The following OXSR1 variants were observed in gnomAD, a reference collection of about 807,000 sequenced individuals.
OXSR1 encodes the protein serine/threonine-protein kinase OSR1.
Under a neutral mutation model 79.8 loss-of-function variants are expected in OXSR1, and 24 were observed. The observed-to-expected ratio is 0.30, with a 90% CI of 0.22 to 0.42. OXSR1 has a LOEUF of 0.42. Ranked by LOEUF, OXSR1 falls within the 10% of genes least tolerant of loss-of-function variation. The pLI is 1.00. For missense variants in OXSR1, 430 were observed against 618.4 expected (o/e 0.70, Z 3.23); for synonymous variants, 226 against 209.2 (o/e 1.08, Z -0.69).
At chr3:38,187,740 TATTTATTTTATTA>T (rs977376643) in intron 2 of OXSR1, among the ~76,000 whole-genome samples, 11 of 152,102 alleles carry the variant, frequency 7.2e-5, no homozygotes, top group African/African-American at 2.7e-4. Flanking sequence ...TCACTTTATT[TATTTATTTTATTA>T]ATTTATTTTT....
intron 4 of OXSR1, among the ~76,000 whole-genome samples, chr3:38,211,169 G>A (rs1023725470): frequency 2.6e-5 from 4 of 152,138 alleles, no homozygotes; most frequent in Non-Finnish European, 5.9e-5. Context: ...ATTTGGGCTC[G>A]TTGGGCATTA....
intron 1 of OXSR1, among the ~76,000 whole-genome samples, chr3:38,182,145 T>C (rs963680636): frequency 6.6e-6 from 1 of 152,238 alleles, no homozygotes; most frequent in African/African-American, 2.4e-5. Flanking sequence ...TCAGATCTCT[T>C]GGAATGCTAT....
chr3:38,215,975 A>T lies in OXSR1; in HGVS notation c.435-121A>T, dbSNP rs553867659. The T allele has an allele frequency of 1.3e-5, 9 of 673,378 alleles. No homozygotes were observed. In the East Asian group the frequency reaches 2.2e-4, roughly 17 times the overall value. The allele number at this position is 673,378 out of a possible 1,614,324, so 41.7% of individuals were successfully genotyped here. A position where few individuals can be genotyped will look rare whatever the true frequency, so the allele number is the denominator to read the frequency against. ...TTACTATTAGTCTTAATATCCTTTA[A>T]TATAAAATAGGACATTTAAATATTG... On this transcript the variant is annotated intron_variant, in intron 4 of 17. Transcript: ENST00000311806.
chr3:38,211,442 T>C (rs1280802594), intron 4 of OXSR1, among the ~76,000 whole-genome samples: 1 of 152,250 alleles, frequency 6.6e-6, no homozygotes, highest in Non-Finnish European at 1.5e-5. Flanking sequence ...TTTACTCCTA[T>C]AAAGTGACCT....
chr3:38,242,568 A>G lies in OXSR1; in HGVS notation c.1075-175A>G, dbSNP rs35115698. On this transcript the variant is annotated intron_variant, in intron 11 of 17. Transcript: ENST00000311806. ...ACAGGCTACCTGGACAAAAAATACA[A>G]TACTATCATGACAGTTATTTTTTCC... 5.0e-3 allele frequency among the ~76,000 whole-genome samples: 755 copies of G among 152,332 alleles called. 7 individuals are homozygous for G. Among genetic ancestry groups the G allele is most frequent in the African/African-American group, 0.017 (706 of 41,570 alleles).
At chr3:38,187,149 T>C (rs1158068593) in intron 2 of OXSR1, among the ~76,000 whole-genome samples, 5 of 152,328 alleles carry the variant, frequency 3.3e-5, no homozygotes, top group African/African-American at 7.2e-5. Flanking sequence ...CTAAGAGAGA[T>C]ACATTCTATC....
chr3:38,164,212 T>G (rs2125792553), upstream of OXSR1, among the ~76,000 whole-genome samples: 1 of 152,284 alleles, frequency 6.6e-6, no homozygotes, highest in South Asian at 2.1e-4. Flanking sequence ...TTGCCCAGAC[T>G]GGAGTGCAGT....
intron 1 of OXSR1, among the ~76,000 whole-genome samples, chr3:38,176,637 A>G (rs1701681147): frequency 6.6e-6 from 1 of 152,244 alleles, no homozygotes; most frequent in African/African-American, 2.4e-5. Flanking sequence ...ATCCCTTTTT[A>G]TCAATGGGTG....
At position 38,198,916 on chromosome 3, in the gene OXSR1, A is replaced by C. The variant is rs890149707; in HGVS notation, c.434+53A>C. ...ACATCATCTCATTAAGGCCATTCCC[A>C]CTCTTTTACAGAATCGTGATCTCTG... On this transcript the variant is annotated intron_variant, in intron 4 of 17. Transcript: ENST00000311806. The C allele has an allele frequency of 2.3e-5, 34 of 1,476,532 alleles. No homozygotes were observed. In the Admixed American group the frequency reaches 4.5e-4, roughly 19 times the overall value. The allele number at this position is 1,476,532 out of a possible 1,614,324, so 91.5% of individuals were successfully genotyped here.
At chr3:38,209,633 CTTTTTT>C (rs36124151) in intron 4 of OXSR1, among the ~76,000 whole-genome samples, 1 of 132,226 alleles carries the variant, frequency 7.6e-6, no homozygotes, top group South Asian at 2.4e-4. Flanking sequence ...ATCAATTATA[CTTTTTT>C]TTTTTTTTTT....
intron 11 of OXSR1, among the ~76,000 whole-genome samples, chr3:38,237,318 T>C (rs1377318778): frequency 6.6e-6 from 1 of 152,194 alleles, no homozygotes; most frequent in African/African-American, 2.4e-5. Flanking sequence ...GTTATCCTTC[T>C]ACTAAGGAGG....
Position 38,199,424 on chromosome 3 carries a change from T to G in OXSR1, c.434+561T>G, listed in dbSNP as rs34328575. Among the ~76,000 whole-genome samples the G allele has an allele frequency of 4.0e-3, 609 of 152,204 alleles. 7 individuals carry two copies. The highest frequency in any genetic ancestry group is 0.014 in the African/African-American group (586 of 41,556). Reference sequence around the variant, plus strand: ...TTTAATTTTCATAAAGATGGGGTCTTGCTATGTTGCCCAGGCTGTCCTTGA... The same window carrying G: ...TTTAATTTTCATAAAGATGGGGTCTGGCTATGTTGCCCAGGCTGTCCTTGA... On this transcript the variant is annotated intron_variant, in intron 4 of 17. Coordinates refer to ENST00000311806, the MANE Select transcript of OXSR1 (RefSeq NM_005109.3).
At chr3:38,230,967 C>T (rs1702793852) in intron 10 of OXSR1, among the ~76,000 whole-genome samples, 2 of 152,202 alleles carry the variant, frequency 1.3e-5, no homozygotes, top group Admixed American at 6.5e-5. Flanking sequence ...CCCTTTTCCT[C>T]ACTCTTACTT....
At position 38,251,508 on chromosome 3, in the gene OXSR1, C is replaced by G. The variant is rs369984584; in HGVS notation, c.1444+37C>G. ...GCGTTCTGCTCATGTGCTCCTGTGT[C>G]TCTGTCTGTATACTTAGTACATAGA... On this transcript the variant is annotated intron_variant, in intron 16 of 17. Transcript: ENST00000311806. 1.9e-5 allele frequency: 28 copies of G among 1,506,302 alleles called. No individual in the cohort carries two copies. In the African/African-American group the frequency reaches 2.5e-4, roughly 13 times the overall value. 93.3% of individuals were successfully genotyped at this position (1,506,302 alleles called of 1,614,324 possible). A position where few individuals can be genotyped will look rare whatever the true frequency, so the allele number is the denominator to read the frequency against.
intron 1 of OXSR1, among the ~76,000 whole-genome samples, chr3:38,171,726 CT>C (rs1701585803): frequency 6.7e-6 from 1 of 149,822 alleles, no homozygotes. Context: ...ATTTGAAGTT[CT>C]TTAAGTATGA....
At chr3:38,207,684 C>G (rs1289431435) in intron 4 of OXSR1, among the ~76,000 whole-genome samples, 2 of 152,104 alleles carry the variant, frequency 1.3e-5, no homozygotes, top group African/African-American at 2.4e-5. Context: ...AGTGCTGGGA[C>G]AAGAACACCT....
intron 4 of OXSR1, among the ~76,000 whole-genome samples, chr3:38,205,668 G>A (rs779111392): frequency 5.3e-5 from 8 of 152,204 alleles, no homozygotes; most frequent in Non-Finnish European, 1.2e-4. Context: ...TGTAGGTGTT[G>A]CCTACCATGT....
intron 11 of OXSR1, among the ~76,000 whole-genome samples, chr3:38,240,171 C>G (rs1220592763): frequency 6.6e-6 from 1 of 152,076 alleles, no homozygotes; most frequent in Non-Finnish European, 1.5e-5. Flanking sequence ...ACTATGTGTT[C>G]TCAGGTGGAG....
chr3:38,175,576 C>T (rs1048760415), intron 1 of OXSR1, among the ~76,000 whole-genome samples: 1 of 152,234 alleles, frequency 6.6e-6, no homozygotes. Context: ...GCTGAGACTA[C>T]AGGTGGGAGC....
Sources: allele counts gnomAD v4.1 joint callset (sites outside exome capture counted in the v4.1 genomes callset), GRCh38; gene constraint gnomAD v4.1.1; transcripts MANE v1.5; gene names NCBI Gene and HGNC (gene_info 2026-07-23, HGNC 2026-07-21).